ITSN2: variants seen among roughly 807,000 people sequenced by gnomAD.
ITSN2 encodes the protein intersectin 2.
ITSN2 carries 156 observed loss-of-function variants against 243.7 expected under a neutral mutation model. The observed-to-expected ratio is 0.64, with a 90% CI of 0.56 to 0.73. The LOEUF is 0.73. Ranked by LOEUF, ITSN2 falls within the 30% of genes least tolerant of loss-of-function variation. The pLI, the probability that ITSN2 is intolerant of heterozygous loss-of-function variation, is 0.00. For synonymous variants in ITSN2, 703 were observed against 699.9 expected (o/e 1.00, Z -0.07); for missense variants, 1,801 against 1,996.1 (o/e 0.90, Z 1.86).
At chr2:24,267,430 A>G (rs1007399764) in intron 20 of ITSN2, among the ~76,000 whole-genome samples, 1 of 151,816 alleles carries the variant, frequency 6.6e-6, no homozygotes, top group Admixed American at 6.6e-5. Flanking sequence ...ACCGTAAGCT[A>G]TGAGTATTGG....
At position 24,236,679 on chromosome 2, in the gene ITSN2, T is replaced by TC. The variant is rs1466969661; in HGVS notation, c.3577+9449_3577+9450insG. 5.9e-4 allele frequency among the ~76,000 whole-genome samples: 88 copies of TC among 149,482 alleles called. 2 individuals are homozygous for TC. Among genetic ancestry groups the TC allele is most frequent in the East Asian group, 3.7e-3 (19 of 5,142 alleles). On this transcript the variant is annotated intron_variant, in intron 29 of 39. Transcript: ENST00000355123. Reference sequence around the variant, plus strand: ...TTTTCCTGTGTTTTTTTTTCTTTTTTTTTTTTTGGACATAGGGTCTCATTC... The same window carrying TC: ...TTTTCCTGTGTTTTTTTTTCTTTTTTCTTTTTTTGGACATAGGGTCTCATTC...
At chr2:24,261,884 A>T in intron 20 of ITSN2, 142 bp from the exon 21 acceptor site, 8 of 561,216 alleles carry the variant, frequency 1.4e-5, no homozygotes, top group Non-Finnish European at 2.5e-5. Flanking sequence ...CTACAAATTA[A>T]CAGCTACTAT....
Position 24,207,487 on chromosome 2 carries a change from C to T in ITSN2, c.4678+750G>A, listed in dbSNP as rs534271727. Among the ~76,000 whole-genome samples the T allele has an allele frequency of 2.1e-4, 32 of 152,092 alleles. No individual in the cohort carries two copies. In the South Asian group the frequency reaches 3.1e-3, roughly 15 times the overall value. On this transcript the variant is annotated intron_variant, in intron 37 of 39. Transcript: ENST00000355123. ...TTCTCTGGAGGGTGCTGTTCAGAGG[C>T]GCGGGCTTGGGAGAGTGTGGCTAGC...
rs1681531748 is a variant in ITSN2 at position 24,300,114 on chromosome 2, T to C, written c.1139A>G (p.Lys380Arg). ...CTGCTCCATCAAGGCTTGGCGTCGC[T>C]TTTCCAGCTCCATGTTCCCTCGCTC... ...NYERGNMELEKRRQALMEQQQ... is the reference protein window; with the variant it reads ...NYERGNMELERRRQALMEQQQ... The change falls in exon 12 of 40, where the codon AAG (lysine) becomes AGG (arginine). Residue 380 changes from lysine to arginine, a missense_variant. Lys to Arg is a conservative substitution (Grantham distance 26). Around this residue, in one of 5 missense-constraint regions of ITSN2, gnomAD observed 787 missense variants for 803.9 expected, o/e 0.98. Coordinates refer to ENST00000355123, the MANE Select transcript of ITSN2 (RefSeq NM_006277.3). The C allele has an allele frequency of 6.2e-7, 1 of 1,614,192 alleles. No homozygotes were observed.
chr2:24,287,980 CCA>C (rs1679729173), intron 15 of ITSN2, among the ~76,000 whole-genome samples: 1 of 152,058 alleles, frequency 6.6e-6, no homozygotes, highest in African/African-American at 2.4e-5. Flanking sequence ...TTCTCCCATT[CCA>C]CAGACTGCCT....
chr2:24,328,053 A>T lies in ITSN2; in HGVS notation c.30T>A (p.Asn10Lys). ...TGCCACAAGCACAAAGCTGCTTACC[A>T]TTCATAGCTGTGGGAAACTGAGCCA... MMAQFPTAM[N>K]GGPNMWAITS... Residue 10 changes from asparagine to lysine, a missense_variant and splice_region_variant, in exon 2 of 40, where the codon AAT becomes AAA. Around this residue, in one of 5 missense-constraint regions of ITSN2, gnomAD observed 77 missense variants for 90.1 expected, o/e 0.85. Transcript: ENST00000355123. 6.2e-7 allele frequency: 1 copy of T among 1,613,462 alleles called. No homozygotes were observed. Among genetic ancestry groups the T allele is most frequent in the Non-Finnish European group, 8.5e-7 (1 of 1,179,756 alleles).
At position 24,261,128 on chromosome 2, in the gene ITSN2, G is replaced by C; in HGVS notation, c.2660C>G (p.Ser887Cys). ...TACCTGTCCATGAATAGGTGATACAGATCCAGGGGACACAGTTCGAGTGAA... is the reference window on the plus strand; with the variant it reads ...TACCTGTCCATGAATAGGTGATACACATCCAGGGGACACAGTTCGAGTGAA... ...SAFTRTVSPG[S>C]VSPIHGQGQV... The change falls in exon 22 of 40, where the codon TCT (serine) becomes TGT (cysteine). Residue 887 changes from serine to cysteine, a missense_variant. Physicochemically the swap from Ser to Cys is moderately radical, Grantham distance 112. Transcript: ENST00000355123. 1 of 1,613,856 alleles carries C rather than the reference G, an allele frequency of 6.2e-7. No individual in the cohort carries two copies. The highest frequency in any genetic ancestry group is 8.5e-7 in the Non-Finnish European group (1 of 1,179,834).
intron 29 of ITSN2, among the ~76,000 whole-genome samples, chr2:24,236,789 C>T (rs1672207693): frequency 6.6e-6 from 1 of 151,688 alleles, no homozygotes; most frequent in African/African-American, 2.4e-5. Flanking sequence ...CCTGCCTCAG[C>T]CTCCTGAGTA....
chr2:24,330,522 C>A (rs1485335233), intron 1 of ITSN2: 1 of 724,610 alleles, frequency 1.4e-6, no homozygotes, highest in African/African-American at 1.7e-5. Context: ...AGAGCCCAAG[C>A]CTGAAAAGGC....
At chr2:24,267,803 T>C (rs1293672679) in intron 20 of ITSN2, among the ~76,000 whole-genome samples, 5 of 152,188 alleles carry the variant, frequency 3.3e-5, no homozygotes, top group African/African-American at 1.2e-4. Context: ...GTGATACTCC[T>C]GCCTCGGCCT....
At chr2:24,243,458 G>A (rs953315113) in intron 29 of ITSN2, among the ~76,000 whole-genome samples, 1 of 112,756 alleles carries the variant, frequency 8.9e-6, no homozygotes, top group South Asian at 3.2e-4. Context: ...ACCGAAAGAC[G>A]ATTATTCTTT....
rs943516654 is a variant in ITSN2, at chr2:24,204,859, G to A, written c.4762+355C>T. 15 of 402,800 alleles carry A rather than the reference G, an allele frequency of 3.7e-5. No individual in the cohort carries two copies. Among genetic ancestry groups the A allele is most frequent in the South Asian group, 1.1e-4 (6 of 54,262 alleles). The allele number at this position is 402,800 out of a possible 1,614,324, so 25.0% of individuals were successfully genotyped here. A position where few individuals can be genotyped will look rare whatever the true frequency, so the allele number is the denominator to read the frequency against. Reference sequence around the variant, plus strand: ...TCAGAAGAGTCATCAGTGGCTGGGCGCAGTGGCACTTTGTCAGTGACAAAG... The same window carrying A: ...TCAGAAGAGTCATCAGTGGCTGGGCACAGTGGCACTTTGTCAGTGACAAAG... On this transcript the variant is annotated intron_variant, in intron 38 of 39. Transcript: ENST00000355123. This position sits in a 1 kb window ranked among gnomAD's most constrained non-coding sequence, Gnocchi z 5.1.
At chr2:24,243,893 C>T (rs143758465) in intron 29 of ITSN2, among the ~76,000 whole-genome samples, 187 of 152,252 alleles carry the variant, frequency 1.2e-3, no homozygotes, top group African/African-American at 4.2e-3. Flanking sequence ...GTTTCTCAGT[C>T]GTATTAGCCA....
chr2:24,285,748 C>T (rs1442262419), intron 16 of ITSN2, among the ~76,000 whole-genome samples: 2 of 152,202 alleles, frequency 1.3e-5, no homozygotes, highest in Non-Finnish European at 2.9e-5. Context: ...GTGCCAGATT[C>T]TGTTCTAGAT....
chr2:24,285,857 T>C (rs959959291), intron 16 of ITSN2, among the ~76,000 whole-genome samples: 5 of 152,238 alleles, frequency 3.3e-5, no homozygotes, highest in African/African-American at 1.2e-4. Context: ...ACACCTAAAC[T>C]ATTTCAAATT....
intron 18 of ITSN2, chr2:24,273,779 G>C (rs574336281): frequency 6.6e-6 from 1 of 152,236 alleles, no homozygotes; most frequent in Non-Finnish European, 1.5e-5. Context: ...TAGTAGTTGA[G>C]AAACCGGTCC....
chr2:24,254,407 T>C lies in ITSN2; in HGVS notation c.2913A>G (p.Val971=), dbSNP rs4398229. 5 of 1,611,874 alleles carry C rather than the reference T, an allele frequency of 3.1e-6. No homozygotes were observed. In the South Asian group the frequency reaches 4.4e-5, roughly 14 times the overall value. Residue 971 remains valine, a synonymous_variant, in exon 24 of 40, where the codon GTA becomes GTG. Transcript: ENST00000355123. ...AGGCTGCCGAGGTAGGTTTCTTATTTACAGCTGCATACAAAGCTTCTGGTC... is the reference window on the plus strand; with the variant it reads ...AGGCTGCCGAGGTAGGTTTCTTATTCACAGCTGCATACAAAGCTTCTGGTC... ...REEPEALYAA[V]NKKPTSAAYS...
intron 1 of ITSN2, among the ~76,000 whole-genome samples, chr2:24,349,677 G>A (rs17733411): frequency 0.013 from 2,013 of 152,168 alleles, 23 homozygotes; most frequent in South Asian, 0.028. Context: ...TCCATAGGCC[G>A]AGCAGCAGCC....
intron 29 of ITSN2, among the ~76,000 whole-genome samples, chr2:24,243,147 CA>C (rs1319588152): frequency 6.6e-6 from 1 of 152,114 alleles, no homozygotes; most frequent in Non-Finnish European, 1.5e-5. Flanking sequence ...TCTTTCTCCA[CA>C]AAGATTTAGG....
Sources: gnomAD v4.1 joint callset for allele counts (sites outside exome capture counted in the v4.1 genomes callset) on GRCh38, gnomAD v4.1.1 for gene constraint, gnomAD v4.1.1 regional missense constraint, Gnocchi (gnomAD v3.1) non-coding constraint, MANE v1.5 for transcripts, NCBI Gene and HGNC (gene_info 2026-07-23, HGNC 2026-07-21) for gene names.